The following SPTA1 variants were observed in gnomAD, a reference collection of about 807,000 sequenced individuals.
SPTA1 encodes spectrin alpha, erythrocytic 1.
In SPTA1, 177 loss-of-function variants were observed where a neutral mutation model predicts 324.7. The ratio of observed to expected loss-of-function variants is 0.55; its 90% CI spans 0.48 to 0.62. SPTA1 has a LOEUF of 0.62. Among genes scored for constraint, SPTA1 ranks in the 20% least tolerant of loss-of-function variants. The pLI is 0.00. For missense variants in SPTA1, 3,162 were observed against 2,883.6 expected (o/e 1.10, Z -2.21); for synonymous variants, 1,195 against 1,041.3 (o/e 1.15, Z -2.84).
chr1:158,615,222 T>C lies in SPTA1; in HGVS notation c.6782A>G (p.Gln2261Arg). Residue 2261 changes from glutamine (Q) to arginine (R), a missense_variant, in exon 48 of 52, where the codon CAG becomes CGG. By Grantham distance (43) the Gln-to-Arg change is conservative. Coordinates refer to ENST00000643759, the MANE Select transcript of SPTA1 (RefSeq NM_003126.4). The part of the protein sequence containing the change: ...RMQHNLEQQI[Q>R]AKDIKGVSEE... Reference sequence around the variant, plus strand: ...GGCCACACGCCCTCAATACTTGGCCTGGATCTGTTGCTCCAGGTTGTGTTG... The same window carrying C: ...GGCCACACGCCCTCAATACTTGGCCCGGATCTGTTGCTCCAGGTTGTGTTG... The C allele has an allele frequency of 2.5e-5, 41 of 1,613,236 alleles. No homozygotes were observed. Among genetic ancestry groups the C allele is most frequent in the Non-Finnish European group, 3.5e-5 (41 of 1,180,006 alleles).
At chr1:158,663,004 A>T in intron 16 of SPTA1, 59 bp from the exon 17 acceptor site, 1 of 1,609,100 alleles carries the variant, frequency 6.2e-7, no homozygotes. Flanking sequence ...AAGTAATAGG[A>T]GTTTGTCATG....
rs991653641 is a variant in SPTA1, at chr1:158,682,454, C to T, written c.391-787G>A. On this transcript the variant is annotated intron_variant, in intron 3 of 51. Coordinates refer to ENST00000643759, the MANE Select transcript of SPTA1 (RefSeq NM_003126.4). Reference sequence around the variant, plus strand: ...GTTACATGCAAAACTGTGCATAATACAAAAGTTAATTATACTTTATACAAA... The same window carrying T: ...GTTACATGCAAAACTGTGCATAATATAAAAGTTAATTATACTTTATACAAA... Among the ~76,000 whole-genome samples, 3 of 152,104 alleles carry T rather than the reference C, an allele frequency of 2.0e-5. No individual in the cohort carries two copies. The East Asian group carries it at 5.8e-4, about 29-fold the overall frequency.
intron 16 of SPTA1, among the ~76,000 whole-genome samples, chr1:158,666,100 G>T (rs771774393): frequency 6.6e-6 from 1 of 151,688 alleles, no homozygotes; most frequent in Non-Finnish European, 1.5e-5. Flanking sequence ...TTTTACCTTT[G>T]GTTCTTTGCT....
At chr1:158,617,095 G>A (rs1649604066) in intron 47 of SPTA1, among the ~76,000 whole-genome samples, 1 of 152,056 alleles carries the variant, frequency 6.6e-6, no homozygotes, top group Non-Finnish European at 1.5e-5. Context: ...TCGCTCAGTT[G>A]TCAAGAGATG....
intron 14 of SPTA1, 79 bp downstream of exon 14, chr1:158,669,329 G>C (rs1653832883): frequency 6.3e-7 from 1 of 1,594,466 alleles, no homozygotes; most frequent in Admixed American, 1.7e-5. Flanking sequence ...GAACGCTAAA[G>C]TTCATTTTAC....
rs1396634325 is a variant in SPTA1, at chr1:158,619,421, T to C, written c.6418-87A>G. On this transcript the variant is annotated intron_variant, in intron 44 of 51. Transcript: ENST00000643759. ...ATTGGTTTGTAGGCTTAACTGCATA[T>C]CTTTCCTCTCTCAAGTCTAACCTAT... 3.1e-6 allele frequency: 4 copies of C among 1,274,852 alleles called. No individual in the cohort carries two copies. The South Asian group carries it at 3.6e-5, about 11-fold the overall frequency. The allele number at this position is 1,274,852 out of a possible 1,614,324, so 79.0% of individuals were successfully genotyped here. A position where few individuals can be genotyped will look rare whatever the true frequency, so the allele number is the denominator to read the frequency against.
chr1:158,617,552 C>A lies in SPTA1; in HGVS notation c.6585G>T (p.Gln2195His). ...LLKETGTLES[Q>H]LEANKRKQKE... is the part of the protein sequence containing the mutation. ...CAATACTTACTTTATTTGCTTCCAG[C>A]TGAGATTCCAGAGTTCCTGTTTCTT... The change falls in exon 47 of 52, where the codon CAG becomes CAT. Residue 2195 changes from glutamine to histidine, a missense_variant. Physicochemically the swap from Gln to His is conservative, Grantham distance 24. Coordinates refer to ENST00000643759, the MANE Select transcript of SPTA1 (RefSeq NM_003126.4). 3.1e-6 allele frequency: 5 copies of A among 1,613,510 alleles called. No individual in the cohort carries two copies. The highest frequency in any genetic ancestry group is 4.2e-6 in the Non-Finnish European group (5 of 1,179,546).
intron 51 of SPTA1, chr1:158,612,428 G>A (rs374294671): frequency 2.2e-5 from 6 of 277,098 alleles, no homozygotes; most frequent in East Asian, 9.5e-5. Context: ...TTCTGTTACA[G>A]TGTTTTTAAC....
chr1:158,661,293 C>A lies in SPTA1; in HGVS notation c.2581G>T (p.Glu861Ter), dbSNP rs192979264. ...EITERGNKMV[E>*]EGHFAAEDVA... ...GAATCTCAATCATACATACCTTCCT[C>A]TACCATTTTGTTTCCCCTTTCTGTT... Residue 861 changes from glutamate to a stop codon, truncating the protein, a stop_gained, in exon 18 of 52, where the codon GAG (glutamate) becomes TAG (stop). Transcript: ENST00000643759. LOFTEE classifies it high-confidence loss of function. 6.2e-7 allele frequency: 1 copy of A among 1,613,912 alleles called. No individual in the cohort carries two copies. The highest frequency in any genetic ancestry group is 2.2e-5 in the East Asian group (1 of 44,852).
At chr1:158,634,218 T>C (rs1404334993) in intron 39 of SPTA1, among the ~76,000 whole-genome samples, 1 of 152,166 alleles carries the variant, frequency 6.6e-6, no homozygotes, top group Non-Finnish European at 1.5e-5. Flanking sequence ...TTCAAGGGAA[T>C]CCTTTCAAAA....
At chr1:158,635,132 G>GTGA (rs1650975672) in intron 38 of SPTA1, among the ~76,000 whole-genome samples, 1 of 152,102 alleles carries the variant, frequency 6.6e-6, no homozygotes, top group Non-Finnish European at 1.5e-5. Context: ...GGCTATATGT[G>GTGA]TGATATGGTT....
intron 11 of SPTA1, 128 bp from the exon 12 acceptor site, chr1:158,671,581 G>A: frequency 9.5e-6 from 7 of 739,376 alleles, no homozygotes; most frequent in South Asian, 3.0e-5. Flanking sequence ...TTATGATAAT[G>A]GGTAGAAATT....
At position 158,611,243 on chromosome 1, in the gene SPTA1, C is replaced by G; in HGVS notation, c.*21G>C. 2 of 1,609,838 alleles carry G rather than the reference C, an allele frequency of 1.2e-6. No individual in the cohort carries two copies. The highest frequency in any genetic ancestry group is 1.7e-6 in the Non-Finnish European group (2 of 1,177,360). On this transcript the variant is annotated 3_prime_UTR_variant, in exon 52 of 52. Transcript: ENST00000643759. ...TTTCCCACGACACTAAGATTTTCTA[C>G]GATCCACGAGGAGCTGCTTATTAGT...
At chr1:158,667,121 A>C (rs1326451832) in intron 15 of SPTA1, among the ~76,000 whole-genome samples, 1 of 152,144 alleles carries the variant, frequency 6.6e-6, no homozygotes, top group Admixed American at 6.5e-5. Flanking sequence ...TGTCATACCA[A>C]GTTTGATTTT....
intron 32 of SPTA1, 93 bp downstream of exon 32, chr1:158,642,721 C>G (rs886412517): frequency 6.2e-7 from 1 of 1,603,030 alleles, no homozygotes; most frequent in African/African-American, 1.3e-5. Flanking sequence ...GTAGCCTCAA[C>G]AGTCAGAAAG....
Position 158,685,367 on chromosome 1 carries a change from T to A in SPTA1, c.25-20A>T. ...CACAACCTGCAAGTTAAAAAGATTCTGTTACTTGCTAGTTCTCAAATATTT... is the reference window on the plus strand; with the variant it reads ...CACAACCTGCAAGTTAAAAAGATTCAGTTACTTGCTAGTTCTCAAATATTT... On this transcript the variant is annotated intron_variant, in intron 1 of 51. Transcript: ENST00000643759. 1 of 1,611,818 alleles carries A rather than the reference T, an allele frequency of 6.2e-7. No homozygotes were observed. The highest frequency in any genetic ancestry group is 2.2e-5 in the East Asian group (1 of 44,872).
chr1:158,669,779 T>A lies in SPTA1; in HGVS notation c.1607A>T (p.Asp536Val). Residue 536 changes from aspartate (D) to valine (V), a missense_variant, in exon 13 of 52, where the codon GAC becomes GTC. Transcript: ENST00000643759. ...ACCAATCAATTTGGTTGCAGTCTTG[T>A]CTACAGTCTGAAAAAATAAAAATAA... Reference protein sequence around the residue: ...TAQEEKIITVDKTATKLIGDD... With the variant: ...TAQEEKIITVVKTATKLIGDD... 1.2e-6 allele frequency: 2 copies of A among 1,614,078 alleles called. No individual in the cohort carries two copies. Among genetic ancestry groups the A allele is most frequent in the Non-Finnish European group, 1.7e-6 (2 of 1,179,950 alleles).
At chr1:158,618,693 G>T (rs965160579) in intron 45 of SPTA1, among the ~76,000 whole-genome samples, 10 of 152,100 alleles carry the variant, frequency 6.6e-5, no homozygotes, top group African/African-American at 2.4e-4. Flanking sequence ...ACTTTAGTAG[G>T]TACACAACAG....
chr1:158,672,261 G>A (rs180815803), intron 10 of SPTA1, 65 bp from the exon 11 acceptor site: 2 of 1,491,240 alleles, frequency 1.3e-6, no homozygotes, highest in Non-Finnish European at 1.8e-6. Context: ...TATTTATTGA[G>A]CATATAATAA....
Sources: allele counts gnomAD v4.1 joint callset (sites outside exome capture counted in the v4.1 genomes callset), GRCh38; gene constraint gnomAD v4.1.1; transcripts MANE v1.5; gene names NCBI Gene and HGNC (gene_info 2026-07-23, HGNC 2026-07-21).